Variants in CDC20B observed in about 807,000 individuals in gnomAD.
CDC20B encodes the protein cell division cycle 20B, also known as cell division cycle protein 20 homolog B.
CDC20B carries 58 observed loss-of-function variants against 64.1 expected under a neutral mutation model. The ratio of observed to expected loss-of-function variants is 0.90; its 90% confidence interval spans 0.73 to 1.13. The LOEUF is 1.13. Among genes scored for constraint, CDC20B ranks in the 50% most tolerant of loss-of-function variants. The pLI is 0.00. For missense variants in CDC20B, 597 were observed against 633.0 expected, an observed-to-expected ratio of 0.94 and a Z score of 0.61; for synonymous variants, 243 against 230.6, an observed-to-expected ratio of 1.05 and a Z score of -0.49.
At chr5:55,131,482 A>G (rs769015171) in intron 6 of CDC20B, among the ~76,000 whole-genome samples, 2 of 152,204 alleles carry the variant, frequency 1.3e-5, no homozygotes, top group African/African-American at 2.4e-5. Context: ...AGGATGAGAA[A>G]GAGTGAACAA....
Position 55,120,409 on chromosome 5 carries a change from C to A in CDC20B, c.1341+16G>T. On this transcript the variant is annotated intron_variant, in intron 10 of 11. Coordinates refer to ENST00000381375, the MANE Select transcript of CDC20B (RefSeq NM_001170402.1). Reference sequence around the variant, plus strand: ...AGAAGATCAAAATGAAGATGAAGCCCAGAGGAGATATTAACCTGTGAGTTT... The same window carrying A: ...AGAAGATCAAAATGAAGATGAAGCCAAGAGGAGATATTAACCTGTGAGTTT... The A allele has an allele frequency of 6.2e-7, 1 of 1,613,062 alleles. No homozygotes were observed. Among genetic ancestry groups the A allele is most frequent in the South Asian group, 1.1e-5 (1 of 91,026 alleles).
chr5:55,120,117 G>C (rs1742721816), intron 10 of CDC20B, among the ~76,000 whole-genome samples, 199 bp from the exon 11 acceptor site: 1 of 152,102 alleles, frequency 6.6e-6, no homozygotes, highest in African/African-American at 2.4e-5. Flanking sequence ...AGGCTTAGGT[G>C]CAATAAATTG....
rs1188612672 is a variant in CDC20B, at chr5:55,113,722, A to G, written c.*496T>C. Reference sequence around the variant, plus strand: ...CTGATTTTTAGAGAGAGCAATATGCATGCTTAACATACTGCCTAGCATATA... The same window carrying G: ...CTGATTTTTAGAGAGAGCAATATGCGTGCTTAACATACTGCCTAGCATATA... On this transcript the variant is annotated 3_prime_UTR_variant, in exon 12 of 12. Transcript: ENST00000381375. 2.0e-5 allele frequency: 3 copies of G among 153,654 alleles called. No homozygotes were observed. The highest frequency in any genetic ancestry group is 2.9e-5 in the Non-Finnish European group (2 of 69,068). The allele number at this position is 153,654 out of a possible 1,614,324, so 9.5% of individuals were successfully genotyped here.
intron 5 of CDC20B, among the ~76,000 whole-genome samples, chr5:55,134,738 A>G (rs560341382): frequency 4.3e-4 from 65 of 152,344 alleles, no homozygotes; most frequent in African/African-American, 1.5e-3. Context: ...CTGTCTCTAA[A>G]AAAAATAAAA....
intron 2 of CDC20B, among the ~76,000 whole-genome samples, chr5:55,157,395 C>T (rs548034849): frequency 6.6e-6 from 1 of 152,266 alleles, no homozygotes; most frequent in South Asian, 2.1e-4. Flanking sequence ...CAATGCTGTC[C>T]AGCGCACAAG....
At chr5:55,125,063 T>C (rs1338910152) in intron 8 of CDC20B, 35 bp from the exon 9 acceptor site, 9 of 1,544,614 alleles carry the variant, frequency 5.8e-6, no homozygotes, top group African/African-American at 1.4e-5. Context: ...TTAAGCCCTG[T>C]TGCTACATAA....
chr5:55,135,094 C>A (rs1436752551), intron 5 of CDC20B, among the ~76,000 whole-genome samples: 1 of 152,124 alleles, frequency 6.6e-6, no homozygotes, highest in Non-Finnish European at 1.5e-5. Flanking sequence ...AAATGTACCA[C>A]TCTGGTGGGA....
chr5:55,164,340 C>A, intron 2 of CDC20B: 1 of 550,044 alleles, frequency 1.8e-6, no homozygotes, highest in Non-Finnish European at 2.8e-6. Flanking sequence ...TGCAGTAGTG[C>A]GTTCTCAGCT....
intron 2 of CDC20B, among the ~76,000 whole-genome samples, chr5:55,159,500 G>T (rs1743927753): frequency 6.6e-6 from 1 of 152,100 alleles, no homozygotes; most frequent in African/African-American, 2.4e-5. Flanking sequence ...GCTGACTGGG[G>T]GTCATGAGTA....
At chr5:55,115,882 ACACACACACACGCACACACACAC>A (rs986046943) in intron 11 of CDC20B, among the ~76,000 whole-genome samples, 1 of 152,294 alleles carries the variant, frequency 6.6e-6, no homozygotes, top group African/African-American at 2.4e-5. Context: ...GCGCAAGCAC[ACACACACACACGCACACACACAC>A]CACACACACA....
At chr5:55,148,220 A>C (rs1243948655) in intron 2 of CDC20B, among the ~76,000 whole-genome samples, 1 of 152,242 alleles carries the variant, frequency 6.6e-6, no homozygotes, top group African/African-American at 2.4e-5. Flanking sequence ...AAGAAATGCA[A>C]ATTTAAAACA....
At chr5:55,160,555 A>C (rs1743993103) in intron 2 of CDC20B, 2 of 584,794 alleles carry the variant, frequency 3.4e-6, no homozygotes, top group Non-Finnish European at 5.9e-6. Flanking sequence ...CAGTTCTGAT[A>C]GTTTGCTTCT....
chr5:55,169,670 A>G (rs1187815565), intron 2 of CDC20B, among the ~76,000 whole-genome samples: 5 of 152,028 alleles, frequency 3.3e-5, no homozygotes, highest in African/African-American at 1.2e-4. Flanking sequence ...ACCATCCCCC[A>G]CCCAAAAAAA....
At position 55,133,409 on chromosome 5, in the gene CDC20B, T is replaced by C; in HGVS notation, c.697+3A>G. ...TTAATTCCCAATCTAAATGATAACT[T>C]ACAGTAGTCATTTCGAAGACCAGTA... is the stretch of plus-strand genomic sequence containing the variant. On this transcript the variant is annotated splice_donor_region_variant and intron_variant, in intron 6 of 11. Coordinates refer to ENST00000381375, the MANE Select transcript of CDC20B (RefSeq NM_001170402.1). 1 of 1,428,606 alleles carries C rather than the reference T, an allele frequency of 7.0e-7. No individual in the cohort carries two copies. Among genetic ancestry groups the C allele is most frequent in the South Asian group, 1.3e-5 (1 of 78,514 alleles). The allele number at this position is 1,428,606 out of a possible 1,614,324, so 88.5% of individuals were successfully genotyped here.
At chr5:55,149,397 T>G (rs988719177) in intron 2 of CDC20B, among the ~76,000 whole-genome samples, 1 of 152,244 alleles carries the variant, frequency 6.6e-6, no homozygotes, top group African/African-American at 2.4e-5. Context: ...CAAATTCATG[T>G]GCACATATGT....
At chr5:55,132,503 GC>G (rs1743055794) in intron 6 of CDC20B, among the ~76,000 whole-genome samples, 1 of 152,072 alleles carries the variant, frequency 6.6e-6, no homozygotes, top group Non-Finnish European at 1.5e-5. Flanking sequence ...CACCTCCTCT[GC>G]CAATCTGTCT....
rs1742543858 is a variant in CDC20B at position 55,113,017 on chromosome 5, A to G, written c.*1201T>C. 6.6e-6 allele frequency: 1 copy of G among 152,208 alleles called. No homozygotes were observed. The highest frequency in any genetic ancestry group is 1.5e-5 in the Non-Finnish European group (1 of 68,038). The allele number at this position is 152,208 out of a possible 1,614,324, so 9.4% of individuals were successfully genotyped here. ...TTTAAACAGCTATAATAGTATAATA[A>G]TACCAAATAGATGATACAGGCTAAT... On this transcript the variant is annotated 3_prime_UTR_variant, in exon 12 of 12. Transcript: ENST00000381375.
At chr5:55,154,166 G>T (rs958906913) in intron 2 of CDC20B, among the ~76,000 whole-genome samples, 8 of 152,150 alleles carry the variant, frequency 5.3e-5, no homozygotes, top group African/African-American at 1.9e-4. Flanking sequence ...ACCGTAATGG[G>T]ACAACACCCC....
intron 2 of CDC20B, chr5:55,164,112 G>A: frequency 6.2e-7 from 1 of 1,605,310 alleles, no homozygotes; most frequent in Non-Finnish European, 8.5e-7. Context: ...AACCCTGAGG[G>A]TCAAGTTGTG....
Sources: allele counts gnomAD v4.1 joint callset (sites outside exome capture counted in the v4.1 genomes callset), GRCh38; gene constraint gnomAD v4.1.1; transcripts MANE v1.5; gene names NCBI Gene and HGNC (gene_info 2026-07-23, HGNC 2026-07-21).